The following EML1 variants were observed in gnomAD, a reference collection of about 807,000 sequenced individuals.
The protein encoded by EML1 is EMAP like 1, also known as echinoderm microtubule-associated protein-like 1.
A neutral mutation model predicts 110.4 loss-of-function variants in EML1; 27 were observed. The ratio of observed to expected loss-of-function variants is 0.24; its 90% CI spans 0.18 to 0.34. The LOEUF (loss-of-function observed/expected upper bound fraction) is 0.34, where lower values mean the gene tolerates loss of function less well. Among genes scored for constraint, EML1 ranks in the 10% least tolerant of loss-of-function variants. The probability of loss-of-function intolerance (pLI) is 1.00; values close to 1 mark genes in which losing one functional copy is unlikely to be tolerated. For missense variants in EML1, 741 were observed against 1,030.9 expected (o/e 0.72, Z 3.85); for synonymous variants, 344 against 385.8 (o/e 0.89, Z 1.27).
upstream of EML1, among the ~76,000 whole-genome samples, chr14:99,790,944 A>G (rs7154519): frequency 0.38 from 57,242 of 149,312 alleles, 11,365 homozygotes; most frequent in African/African-American, 0.44. Context: ...TGCAACCTCT[A>G]CCTCCTGGGC....
chr14:99,919,222 A>G (rs574845623), intron 16 of EML1, among the ~76,000 whole-genome samples: 2 of 152,202 alleles, frequency 1.3e-5, no homozygotes. Context: ...TTTCAGTCAA[A>G]TATTTTTCCT....
chr14:99,844,987 C>T (rs996094511), intron 1 of EML1, among the ~76,000 whole-genome samples: 33 of 152,118 alleles, frequency 2.2e-4, no homozygotes, highest in Non-Finnish European at 3.4e-4. Flanking sequence ...GAAACATTGG[C>T]GTATCGGTTT....
chr14:99,890,195 T>C (rs2059563107), intron 4 of EML1, among the ~76,000 whole-genome samples: 1 of 152,194 alleles, frequency 6.6e-6, no homozygotes, highest in South Asian at 2.1e-4. Context: ...TGGTGCCTTA[T>C]GGGTTCACTA....
intron 1 of EML1, among the ~76,000 whole-genome samples, chr14:99,753,548 C>T (rs1159175144): frequency 2.6e-5 from 4 of 152,074 alleles, no homozygotes; most frequent in Non-Finnish European, 5.9e-5. Flanking sequence ...CCTTCACTCC[C>T]TCTACTCCCT....
chr14:99,825,417 G>A (rs575755805), intron 1 of EML1, among the ~76,000 whole-genome samples: 30 of 152,202 alleles, frequency 2.0e-4, no homozygotes, highest in South Asian at 4.2e-4. Context: ...ACTTCCTTTG[G>A]ATAGATACCC....
chr14:99,795,535 G>A (rs2057754845), intron 1 of EML1, among the ~76,000 whole-genome samples: 1 of 152,148 alleles, frequency 6.6e-6, no homozygotes, highest in South Asian at 2.1e-4. Flanking sequence ...ATGTTAACTG[G>A]TGATGTCTTA....
chr14:99,777,031 A>G (rs1170029841), intron 1 of EML1, among the ~76,000 whole-genome samples: 1 of 152,218 alleles, frequency 6.6e-6, no homozygotes, highest in Non-Finnish European at 1.5e-5. Context: ...TTTTCTTATT[A>G]AAAGGAAAGG....
Position 99,937,899 on chromosome 14 carries a change from A to G in EML1, c.2178A>G (p.Gly726=), listed in dbSNP as rs745359199. ...GGGCTACCTATACCTGCACTTTGGG[A>G]TTCCATGTTTTTGGTAAGTTTGCTG... ...IEWATYTCTL[G]FHVFGVWPEG... Residue 726 remains glycine (G), a synonymous_variant, in exon 20 of 22, where the codon GGA becomes GGG. Coordinates refer to ENST00000262233, the MANE Select transcript of EML1 (RefSeq NM_004434.3). 3.1e-6 allele frequency: 5 copies of G among 1,614,040 alleles called. No individual in the cohort carries two copies. The highest frequency in any genetic ancestry group is 1.7e-5 in the Admixed American group (1 of 60,026).
intron 1 of EML1, among the ~76,000 whole-genome samples, chr14:99,750,437 G>T (rs1278604296): frequency 6.6e-6 from 1 of 152,198 alleles, no homozygotes; most frequent in African/African-American, 2.4e-5. Flanking sequence ...AGTCAGGGAG[G>T]GGAGCATGAC....
intron 4 of EML1, among the ~76,000 whole-genome samples, chr14:99,880,580 C>G (rs1293205061): frequency 3.3e-5 from 5 of 152,176 alleles, no homozygotes; most frequent in Non-Finnish European, 7.3e-5. Context: ...TCAGTGGACT[C>G]AAGATGGCAT....
At chr14:99,933,228 T>C (rs1309479590) in intron 17 of EML1, among the ~76,000 whole-genome samples, 1 of 152,154 alleles carries the variant, frequency 6.6e-6, no homozygotes, top group Non-Finnish European at 1.5e-5. Context: ...CAGGCTAGAG[T>C]GCAGTGGCGC....
upstream of EML1, among the ~76,000 whole-genome samples, chr14:99,770,365 T>A (rs969605310): frequency 8.3e-6 from 1 of 120,218 alleles, no homozygotes; most frequent in African/African-American, 3.3e-5. Flanking sequence ...CGTGTCTTTT[T>A]AAAAAATTTC....
chr14:99,742,160 C>T (rs1398636356), intron 1 of EML1, among the ~76,000 whole-genome samples: 1 of 152,226 alleles, frequency 6.6e-6, no homozygotes, highest in Non-Finnish European at 1.5e-5. Flanking sequence ...CTGCCTGGGT[C>T]TCTCTGAGGG....
intron 20 of EML1, among the ~76,000 whole-genome samples, chr14:99,938,749 C>T (rs769630213): frequency 6.6e-5 from 10 of 152,252 alleles, no homozygotes; most frequent in East Asian, 3.8e-4. Context: ...AAGAAACATG[C>T]GCACACCCAG....
intron 3 of EML1, among the ~76,000 whole-genome samples, chr14:99,866,337 A>T (rs2059098663): frequency 6.6e-6 from 1 of 152,058 alleles, no homozygotes; most frequent in Non-Finnish European, 1.5e-5. Context: ...TTGGGAGGCC[A>T]AGGCGGGCAG....
chr14:99,913,366 G>A (rs1326048328), intron 13 of EML1, among the ~76,000 whole-genome samples: 2 of 151,790 alleles, frequency 1.3e-5, no homozygotes, highest in Non-Finnish European at 2.9e-5. Flanking sequence ...TGGTAGAAAT[G>A]GAGTCTTGCT....
At chr14:99,770,525 A>G (rs1043301296), upstream of EML1, among the ~76,000 whole-genome samples, 1 of 151,982 alleles carries the variant, frequency 6.6e-6, no homozygotes, top group African/African-American at 2.4e-5. Flanking sequence ...TCGAAATTCC[A>G]CCATTTCATT....
intron 13 of EML1, among the ~76,000 whole-genome samples, chr14:99,912,180 C>T (rs2059957945): frequency 6.6e-6 from 1 of 152,178 alleles, no homozygotes; most frequent in Non-Finnish European, 1.5e-5. Flanking sequence ...CACGCCCAGC[C>T]TCTTTTAATT....
chr14:99,874,677 T>G (rs753905704), intron 3 of EML1, among the ~76,000 whole-genome samples: 9 of 152,220 alleles, frequency 5.9e-5, no homozygotes, highest in East Asian at 1.9e-4. Context: ...AAATGTCTTG[T>G]TTTTTATTCT....
Sources: gnomAD v4.1 joint callset for allele counts (sites outside exome capture counted in the v4.1 genomes callset) on GRCh38, gnomAD v4.1.1 for gene constraint, MANE v1.5 for transcripts, NCBI Gene and HGNC (gene_info 2026-07-23, HGNC 2026-07-21) for gene names.